The following MTOR variants were observed in gnomAD, a reference collection of about 807,000 sequenced individuals.
MTOR encodes the protein mechanistic target of rapamycin kinase, also known as serine/threonine-protein kinase mTOR.
A neutral mutation model predicts 319.8 loss-of-function variants in MTOR; 70 were observed. The observed-to-expected ratio is 0.22, with a 90% CI of 0.18 to 0.27. MTOR has a LOEUF of 0.27. MTOR is among the 10% of genes least tolerant of loss of function. The pLI is 1.00. For synonymous variants in MTOR, 1,183 were observed against 1,211.4 expected (o/e 0.98, Z 0.49); for missense variants, 1,890 against 3,274.4 (o/e 0.58, Z 10.32).
Position 11,204,696 on chromosome 1 carries a change from C to T in MTOR, c.3809G>A (p.Gly1270Asp). ...VSTINLQKAW[G>D]AARRVSKDDW... The stretch of plus-strand genomic sequence containing the variant: ...ATCTTTGGAGACCCTCCTGGCAGCG[C>T]CCCAGGCCTGTGATCCCACAGGTGA... The change falls in exon 26 of 58, where the codon GGC becomes GAC. Residue 1270 changes from glycine (G) to aspartate (D), a missense_variant. Coordinates refer to ENST00000361445, the MANE Select transcript of MTOR (RefSeq NM_004958.4). 6.2e-7 allele frequency: 1 copy of T among 1,614,064 alleles called. No individual in the cohort carries two copies. The highest frequency in any genetic ancestry group is 8.5e-7 in the Non-Finnish European group (1 of 1,179,972).
In MTOR at chr1:11,133,352, G is replaced by A. The variant is rs759196154; in HGVS notation, c.5247-155C>T. Reference sequence around the variant, plus strand: ...GAGCTAGCAAAATTTTCAGCCACACGCAAGAAAGGAGATGGGCTTTTGGAA... The same window carrying A: ...GAGCTAGCAAAATTTTCAGCCACACACAAGAAAGGAGATGGGCTTTTGGAA... On this transcript the variant is annotated intron_variant, in intron 37 of 57. Transcript: ENST00000361445. This position sits in a 1 kb window ranked among gnomAD's most constrained non-coding sequence, Gnocchi z 4.0. 3.3e-5 allele frequency among the ~76,000 whole-genome samples: 5 copies of A among 152,276 alleles called. No individual in the cohort carries two copies. The highest frequency in any genetic ancestry group is 7.4e-5 in the Non-Finnish European group (5 of 68,020).
intron 28 of MTOR, chr1:11,195,627 G>A (rs1571137187): frequency 1.9e-5 from 3 of 153,954 alleles, no homozygotes; most frequent in Admixed American, 6.5e-5. Flanking sequence ...TGCATCTGGC[G>A]ATCAGACTCT....
At chr1:11,197,524 A>T (rs1645826626) in intron 28 of MTOR, among the ~76,000 whole-genome samples, 1 of 152,178 alleles carries the variant, frequency 6.6e-6, no homozygotes, top group Admixed American at 6.5e-5. Context: ...CCCCAGTAAC[A>T]GCATTCATTC....
intron 19 of MTOR, among the ~76,000 whole-genome samples, chr1:11,228,068 C>A (rs979406077): frequency 6.6e-6 from 1 of 152,092 alleles, no homozygotes; most frequent in Admixed American, 6.5e-5. Flanking sequence ...CGACTTAAAT[C>A]TCGTCATGAA....
intron 32 of MTOR, 113 bp downstream of exon 32, chr1:11,146,563 G>C (rs773518298): frequency 1.3e-6 from 1 of 767,954 alleles, no homozygotes; most frequent in East Asian, 2.6e-5. Flanking sequence ...TACTCACAGA[G>C]CCGAGTAAAC....
In MTOR at chr1:11,114,395, C is replaced by T. The variant is rs931743029; in HGVS notation, c.7223G>A (p.Arg2408Gln). Reference protein sequence around the residue: ...ITCHTVMEVLREHKDSVMAVL... With the variant: ...ITCHTVMEVLQEHKDSVMAVL... ...GGCCATGACACTGTCCTTGTGCTCTCGCAGCACCTCCATCACTGTGTGGCA... is the reference window on the plus strand; with the variant it reads ...GGCCATGACACTGTCCTTGTGCTCTTGCAGCACCTCCATCACTGTGTGGCA... Residue 2408 changes from arginine to glutamine, a missense_variant, in exon 53 of 58, where the codon CGA becomes CAA. Arg to Gln is a conservative substitution (Grantham distance 43). Around this residue, in one of 15 missense-constraint regions of MTOR, gnomAD observed 23 missense variants for 81.7 expected, o/e 0.28. Transcript: ENST00000361445. 1 of 1,614,166 alleles carries T rather than the reference C, an allele frequency of 6.2e-7. No individual in the cohort carries two copies.
intron 9 of MTOR, among the ~76,000 whole-genome samples, chr1:11,241,943 A>G (rs1487003077): frequency 3.3e-5 from 5 of 152,314 alleles, no homozygotes; most frequent in African/African-American, 4.8e-5. Flanking sequence ...GCTATACCAT[A>G]TGGGTTATTG....
chr1:11,192,270 A>G (rs1218844453), intron 28 of MTOR: 1 of 1,611,574 alleles, frequency 6.2e-7, no homozygotes, highest in Non-Finnish European at 8.5e-7. Flanking sequence ...TCTCTTGTAG[A>G]TGCCATCTAC....
In MTOR at chr1:11,113,146, T is replaced by C. The variant is rs17229256; in HGVS notation, c.7301-229A>G. Among the ~76,000 whole-genome samples, 563 of 152,368 alleles carry C rather than the reference T, an allele frequency of 3.7e-3. 3 individuals are homozygous for C. The highest frequency in any genetic ancestry group is 6.6e-3 in the Non-Finnish European group (448 of 68,036). ...TTGGACTTAGACAATGTAATACAGATAATATAAGGTCAAAGTATGATTTAA... is the reference window on the plus strand; with the variant it reads ...TTGGACTTAGACAATGTAATACAGACAATATAAGGTCAAAGTATGATTTAA... On this transcript the variant is annotated intron_variant, in intron 53 of 57. Coordinates refer to ENST00000361445, the MANE Select transcript of MTOR (RefSeq NM_004958.4).
chr1:11,134,276 ACTC>A, intron 37 of MTOR, 72 bp downstream of exon 37: 4 of 1,373,194 alleles, frequency 2.9e-6, no homozygotes, highest in Non-Finnish European at 4.1e-6. Context: ...GAAGCCTTGA[ACTC>A]CTCCTTGCTG....
chr1:11,136,944 C>T (rs558912620), intron 36 of MTOR, among the ~76,000 whole-genome samples: 102 of 151,240 alleles, frequency 6.7e-4, no homozygotes, highest in Admixed American at 8.6e-4. Context: ...CAGGTTCAAG[C>T]GATTCTCCCG....
intron 25 of MTOR, 137 bp downstream of exon 25, chr1:11,209,175 C>A: frequency 9.8e-7 from 1 of 1,017,032 alleles, no homozygotes; most frequent in Non-Finnish European, 1.4e-6. Context: ...ACAAAATGAT[C>A]TAAGTTCATG....
chr1:11,228,955 T>C, intron 18 of MTOR, 37 bp from the exon 19 acceptor site: 1 of 1,606,302 alleles, frequency 6.2e-7, no homozygotes. Flanking sequence ...GAGCTACACA[T>C]GGCATGACGT....
intron 13 of MTOR, among the ~76,000 whole-genome samples, chr1:11,235,302 C>T (rs1341784392): frequency 1.3e-5 from 2 of 152,174 alleles, no homozygotes; most frequent in African/African-American, 2.4e-5. Flanking sequence ...CCAATGCCCA[C>T]CCTGATGACC....
In MTOR at chr1:11,234,436, C is replaced by T. The variant is rs1385471271; in HGVS notation, c.2209-171G>A. 2.6e-5 allele frequency among the ~76,000 whole-genome samples: 4 copies of T among 152,338 alleles called. No homozygotes were observed. In the East Asian group the frequency reaches 7.7e-4, roughly 29 times the overall value. On this transcript the variant is annotated intron_variant, in intron 13 of 57. Coordinates refer to ENST00000361445, the MANE Select transcript of MTOR (RefSeq NM_004958.4). Reference sequence around the variant, plus strand: ...ACAGACTTTTCTGCAACAGGCAGAACAGCCTTAGATACAGCTGTGACAGGA... The same window carrying T: ...ACAGACTTTTCTGCAACAGGCAGAATAGCCTTAGATACAGCTGTGACAGGA...
chr1:11,224,603 G>A (rs534593061), intron 19 of MTOR, among the ~76,000 whole-genome samples: 4 of 152,168 alleles, frequency 2.6e-5, no homozygotes, highest in Admixed American at 6.5e-5. Flanking sequence ...TGTCCATAAC[G>A]TTAGCAAATA....
rs772181033 is a variant in MTOR, at chr1:11,238,463, G to C, written c.1941C>G (p.Thr647=). The change falls in exon 12 of 58, where the codon ACC becomes ACG. Residue 647 remains threonine, a synonymous_variant. Transcript: ENST00000361445. ...ISGHAHVVSQ[T]AVQVVADVLS... is the part of the protein sequence containing the mutation. ...GCACATCTGCCACCACTTGCACTGCGGTCTGGCTAACCACATGAGCATGGC... is the reference window on the plus strand; with the variant it reads ...GCACATCTGCCACCACTTGCACTGCCGTCTGGCTAACCACATGAGCATGGC... 1 of 1,614,150 alleles carries C rather than the reference G, an allele frequency of 6.2e-7. No homozygotes were observed. The highest frequency in any genetic ancestry group is 8.5e-7 in the Non-Finnish European group (1 of 1,180,022).
At chr1:11,125,628 G>T (rs1642786450) in intron 46 of MTOR, among the ~76,000 whole-genome samples, 1 of 151,642 alleles carries the variant, frequency 6.6e-6, no homozygotes, top group South Asian at 2.1e-4. Flanking sequence ...TATTAGGGAG[G>T]CTGAGGCACG....
chr1:11,169,515 T>C (rs1644746060), intron 28 of MTOR, among the ~76,000 whole-genome samples: 1 of 152,224 alleles, frequency 6.6e-6, no homozygotes, highest in Non-Finnish European at 1.5e-5. Flanking sequence ...CATGTCAGAC[T>C]GATCACATGC....
Sources: gnomAD v4.1 joint callset for allele counts (sites outside exome capture counted in the v4.1 genomes callset) on GRCh38, gnomAD v4.1.1 for gene constraint, gnomAD v4.1.1 regional missense constraint, Gnocchi (gnomAD v3.1) non-coding constraint, MANE v1.5 for transcripts, NCBI Gene and HGNC (gene_info 2026-07-23, HGNC 2026-07-21) for gene names.